Variants in WDPCP observed in about 807,000 individuals in gnomAD.
WDPCP encodes WD repeat-containing and planar cell polarity effector protein fritz homolog.
A neutral mutation model predicts 93.1 loss-of-function variants in WDPCP; 71 were observed. That is an observed-to-expected ratio of 0.76 (90% confidence interval 0.63 to 0.93). The LOEUF is 0.93. Among genes scored for constraint, WDPCP ranks in the 40% least tolerant of loss-of-function variants. The pLI, the probability that WDPCP is intolerant of heterozygous loss-of-function variation, is 0.00. For missense variants in WDPCP, 844 were observed against 887.4 expected, an observed-to-expected ratio of 0.95 and a Z score of 0.62; for synonymous variants, 315 against 315.0, an observed-to-expected ratio of 1.00 and a Z score of 0.00.
At chr2:63,558,456 G>A (rs1046524957) in intron 1 of WDPCP, among the ~76,000 whole-genome samples, 6 of 151,578 alleles carry the variant, frequency 4.0e-5, no homozygotes, top group African/African-American at 1.5e-4. Flanking sequence ...TTGAACCAGG[G>A]TGTCAGAGGT....
chr2:63,199,334 C>G (rs1675706950), intron 14 of WDPCP, among the ~76,000 whole-genome samples: 1 of 152,168 alleles, frequency 6.6e-6, no homozygotes, highest in Non-Finnish European at 1.5e-5. Flanking sequence ...GAAAATGCCT[C>G]CAAGGCATTT....
At chr2:63,732,062 G>T (rs1430425877) in intron 2 of WDPCP, among the ~76,000 whole-genome samples, 3 of 152,162 alleles carry the variant, frequency 2.0e-5, no homozygotes, top group Non-Finnish European at 4.4e-5. Context: ...GATAGTTAAG[G>T]CTCCATGTGA....
chr2:63,837,823 G>A, the WDPCP span, among the ~76,000 whole-genome samples: 1 of 152,224 alleles, frequency 6.6e-6, no homozygotes, highest in Non-Finnish European at 1.5e-5. Context: ...CAGAGAGTAG[G>A]GGCGGGCCTG....
At chr2:63,823,692 C>G (rs1427308072) in intron 1 of WDPCP, among the ~76,000 whole-genome samples, 2 of 152,108 alleles carry the variant, frequency 1.3e-5, no homozygotes. Flanking sequence ...TAAATACACT[C>G]TCCCCCTAAA....
In WDPCP at chr2:63,724,767, A is replaced by T. The variant is rs183364471; in HGVS notation, n.309-73929T>A. Among the ~76,000 whole-genome samples the T allele has an allele frequency of 3.2e-3, 493 of 152,302 alleles. 5 individuals carry two copies. Among genetic ancestry groups the T allele is most frequent in the African/African-American group, 0.012 (480 of 41,566 alleles). ...AAGCTCTGAAACTGTAACTAGTAAC[A>T]CTAGCCTCTCTTGTTTAAATAACTC... is the stretch of plus-strand genomic sequence containing the variant. On this transcript the variant is annotated intron_variant and non_coding_transcript_variant, in intron 2 of 4. Coordinates refer to the WDPCP transcript ENST00000467687.
chr2:63,268,120 T>G (rs1167727625), intron 13 of WDPCP, among the ~76,000 whole-genome samples: 1 of 152,140 alleles, frequency 6.6e-6, no homozygotes, highest in African/African-American at 2.4e-5. Flanking sequence ...ATGAACACAA[T>G]GAGATATTAT....
rs564652556 is a variant in WDPCP at position 63,398,649 on chromosome 2, G to A, written c.1435+5399C>T. Among the ~76,000 whole-genome samples the A allele has an allele frequency of 7.9e-5, 12 of 152,026 alleles. No homozygotes were observed. The East Asian group carries it at 1.4e-3, about 17-fold the overall frequency. ...GCATATTGGCATTAGGCACTGTCAC[G>A]TTTACATATGAAAGCATTCTATTTT... On this transcript the variant is annotated intron_variant, in intron 10 of 17. Transcript: ENST00000272321.
In WDPCP at chr2:63,749,343, C is replaced by T. The variant is rs527342171; in HGVS notation, n.308+64279G>A. On this transcript the variant is annotated intron_variant and non_coding_transcript_variant, in intron 2 of 4. Coordinates refer to the WDPCP transcript ENST00000467687. ...ATACTACACTTCTCCAAGATCCCTTCCTCTTTTAGTCCCTGATCTGAGACT... is the reference window on the plus strand; with the variant it reads ...ATACTACACTTCTCCAAGATCCCTTTCTCTTTTAGTCCCTGATCTGAGACT... 3.9e-5 allele frequency among the ~76,000 whole-genome samples: 6 copies of T among 152,222 alleles called. No individual in the cohort carries two copies. The South Asian group carries it at 1.2e-3, about 32-fold the overall frequency.
chr2:63,596,744 G>T (rs1300025597), intron 3 of WDPCP, among the ~76,000 whole-genome samples: 1 of 152,180 alleles, frequency 6.6e-6, no homozygotes, highest in East Asian at 1.9e-4. Context: ...CAACAAAGAA[G>T]TGCGATGACT....
intron 6 of WDPCP, among the ~76,000 whole-genome samples, chr2:63,445,160 A>C (rs1288832444): frequency 7.1e-6 from 1 of 139,982 alleles, no homozygotes; most frequent in African/African-American, 2.5e-5. Context: ...TTAAAAAAAA[A>C]CACGTAAGTG....
chr2:63,485,493 T>C (rs1374561513), intron 4 of WDPCP, among the ~76,000 whole-genome samples: 2 of 151,864 alleles, frequency 1.3e-5, no homozygotes, highest in Non-Finnish European at 2.9e-5. Context: ...TTTAAAACTA[T>C]GGAAAAATCT....
intron 13 of WDPCP, among the ~76,000 whole-genome samples, chr2:63,302,788 G>A (rs1158563367): frequency 6.6e-6 from 1 of 152,212 alleles, no homozygotes; most frequent in Non-Finnish European, 1.5e-5. Flanking sequence ...AGGTTAAGAT[G>A]TAGACCCAGG....
intron 10 of WDPCP, among the ~76,000 whole-genome samples, chr2:63,387,196 G>A (rs1692804198): frequency 6.6e-6 from 1 of 151,992 alleles, no homozygotes; most frequent in Non-Finnish European, 1.5e-5. Flanking sequence ...GAAACTTATG[G>A]CCAATATCCT....
chr2:63,733,708 ATCT>A (rs978296983), intron 2 of WDPCP, among the ~76,000 whole-genome samples: 8 of 152,296 alleles, frequency 5.3e-5, no homozygotes, highest in South Asian at 2.1e-4. Flanking sequence ...CCTCTGGAAA[ATCT>A]TCTTCTTGTG....
intron 2 of WDPCP, among the ~76,000 whole-genome samples, chr2:63,761,791 A>G (rs541255026): frequency 7.9e-4 from 120 of 152,254 alleles, no homozygotes; most frequent in African/African-American, 2.8e-3. Flanking sequence ...CTTTGGCAAC[A>G]CCCTCACAGA....
the WDPCP span, among the ~76,000 whole-genome samples, chr2:63,835,916 G>A: frequency 4.1e-4 from 62 of 152,196 alleles, no homozygotes; most frequent in African/African-American, 1.1e-3. Context: ...GTGCAGTGGC[G>A]TGACCTCAGC....
intron 14 of WDPCP, among the ~76,000 whole-genome samples, chr2:63,220,582 C>T (rs1461584524): frequency 1.3e-5 from 2 of 151,174 alleles, no homozygotes; most frequent in South Asian, 2.1e-4. Context: ...TTCTAGCTGT[C>T]GATTGGCAAG....
chr2:63,542,190 A>G (rs145103653), intron 1 of WDPCP, among the ~76,000 whole-genome samples: 6 of 152,302 alleles, frequency 3.9e-5, no homozygotes, highest in African/African-American at 1.4e-4. Flanking sequence ...CCTAAATGAA[A>G]CTATTTGAAG....
intron 1 of WDPCP, among the ~76,000 whole-genome samples, chr2:63,579,850 T>C (rs904837243): frequency 6.6e-6 from 1 of 152,166 alleles, no homozygotes; most frequent in Non-Finnish European, 1.5e-5. Flanking sequence ...TTTGATGCTA[T>C]TGTAATAGTA....
Sources: gnomAD v4.1 joint callset for allele counts (sites outside exome capture counted in the v4.1 genomes callset) on GRCh38, gnomAD v4.1.1 for gene constraint, MANE v1.5 for transcripts, NCBI Gene and HGNC (gene_info 2026-07-23, HGNC 2026-07-21) for gene names.